PSTPIP2: variants seen among roughly 807,000 people sequenced by gnomAD.
The protein encoded by PSTPIP2 is proline-serine-threonine phosphatase interacting protein 2.
PSTPIP2 carries 33 observed loss-of-function variants against 63.3 expected under a neutral mutation model. The observed-to-expected ratio is 0.52, with a 90% CI of 0.40 to 0.70. PSTPIP2 has a LOEUF of 0.70. Among genes scored for constraint, PSTPIP2 ranks in the 30% least tolerant of loss-of-function variants. The pLI is 0.00. For synonymous variants in PSTPIP2, 125 were observed against 132.7 expected (o/e 0.94, Z 0.40); for missense variants, 312 against 400.7 (o/e 0.78, Z 1.89).
At chr18:46,037,038 A>G (rs1908006895) in intron 2 of PSTPIP2, among the ~76,000 whole-genome samples, 1 of 152,250 alleles carries the variant, frequency 6.6e-6, no homozygotes, top group Admixed American at 6.5e-5. Flanking sequence ...TTGTTCAAAA[A>G]TAATTATTAC....
intron 2 of PSTPIP2, among the ~76,000 whole-genome samples, chr18:46,034,457 C>T (rs1907894228): frequency 6.6e-6 from 1 of 152,236 alleles, no homozygotes; most frequent in Non-Finnish European, 1.5e-5. Context: ...TTACTACTTA[C>T]TCATATTGTA....
intron 4 of PSTPIP2, among the ~76,000 whole-genome samples, chr18:46,012,487 A>G (rs1283038374): frequency 1.3e-5 from 2 of 152,226 alleles, no homozygotes; most frequent in African/African-American, 4.8e-5. Flanking sequence ...CAATTAAAAA[A>G]GAGTTGGCCA....
intron 1 of PSTPIP2, 54 bp downstream of exon 1, chr18:46,072,102 C>T (rs551691407): frequency 1.3e-6 from 2 of 1,512,534 alleles, no homozygotes; most frequent in Non-Finnish European, 1.8e-6. Context: ...GCGTTGGCCT[C>T]CCGCCCGGGC....
chr18:46,033,070 TAC>T (rs1040591016), intron 2 of PSTPIP2, among the ~76,000 whole-genome samples: 22 of 152,342 alleles, frequency 1.4e-4, no homozygotes, highest in African/African-American at 4.3e-4. Flanking sequence ...GAACATCTCA[TAC>T]AATCCAAATT....
intron 1 of PSTPIP2, among the ~76,000 whole-genome samples, chr18:46,064,458 T>A (rs889124689): frequency 1.0e-4 from 2 of 20,026 alleles, no homozygotes; most frequent in Admixed American, 3.8e-4. Context: ...ACCTGGCTAA[T>A]TTTTTTTTTT....
intron 4 of PSTPIP2, among the ~76,000 whole-genome samples, chr18:46,014,617 C>G (rs899861972): frequency 3.3e-5 from 5 of 151,996 alleles, no homozygotes; most frequent in Admixed American, 2.6e-4. Flanking sequence ...GAAGGCTGAG[C>G]CTGGAGGATC....
intron 1 of PSTPIP2, among the ~76,000 whole-genome samples, chr18:46,059,696 C>T (rs554990470): frequency 6.6e-6 from 1 of 152,138 alleles, no homozygotes; most frequent in African/African-American, 2.4e-5. Context: ...CATATATTTT[C>T]CTAGTGACAT....
chr18:46,002,468 TTC>T lies in PSTPIP2; in HGVS notation c.418-2936_418-2935del, dbSNP rs1197348893. 3.9e-5 allele frequency among the ~76,000 whole-genome samples: 6 copies of T among 152,342 alleles called. No individual in the cohort carries two copies. The East Asian group carries it at 1.2e-3, about 29-fold the overall frequency. On this transcript the variant is annotated intron_variant, in intron 6 of 14. Transcript: ENST00000409746. ...TGTTCATGTCTGGTAATTTATATTA[TTC>T]TGTCTTCCAGTTAACCAATTCTTTC...
chr18:45,990,153 C>A (rs2051511208), intron 13 of PSTPIP2, among the ~76,000 whole-genome samples: 1 of 152,110 alleles, frequency 6.6e-6, no homozygotes, highest in African/African-American at 2.4e-5. Context: ...TCTCACAGTC[C>A]AAGTTGAAAT....
At chr18:46,010,118 G>C (rs2051779567) in intron 5 of PSTPIP2, among the ~76,000 whole-genome samples, 1 of 152,188 alleles carries the variant, frequency 6.6e-6, no homozygotes, top group South Asian at 2.1e-4. Context: ...AGGCTCTTAG[G>C]ATGCTGCTGC....
intron 1 of PSTPIP2, among the ~76,000 whole-genome samples, chr18:46,061,122 G>A (rs1027588157): frequency 1.3e-5 from 2 of 152,016 alleles, no homozygotes; most frequent in African/African-American, 4.8e-5. Flanking sequence ...TGGCCAACAT[G>A]GTGAAATCCC....
At position 45,995,490 on chromosome 18, in the gene PSTPIP2, C is replaced by T. The variant is rs191543374; in HGVS notation, c.643-1787G>A. On this transcript the variant is annotated intron_variant, in intron 9 of 14. Coordinates refer to ENST00000409746, the MANE Select transcript of PSTPIP2 (RefSeq NM_024430.4). The stretch of plus-strand genomic sequence containing the variant: ...TTTAAACCTTATTAAAAAATGGCCT[C>T]ATTCTAGGCTTTCCCCTAAGAGTGT... 8.7e-4 allele frequency among the ~76,000 whole-genome samples: 132 copies of T among 152,304 alleles called. 1 individual carries two copies. The highest frequency in any genetic ancestry group is 8.6e-3 in the Admixed American group (132 of 15,294).
At chr18:46,065,910 G>T (rs577103111) in intron 1 of PSTPIP2, among the ~76,000 whole-genome samples, 1 of 151,822 alleles carries the variant, frequency 6.6e-6, no homozygotes, top group Non-Finnish European at 1.5e-5. Context: ...CCAAAGTTAC[G>T]ATATTTTAAT....
intron 1 of PSTPIP2, among the ~76,000 whole-genome samples, chr18:46,040,537 T>A (rs998986066): frequency 6.6e-6 from 1 of 152,144 alleles, no homozygotes; most frequent in Non-Finnish European, 1.5e-5. Context: ...GGAAACCCCC[T>A]CATTCCTGCC....
chr18:45,985,107 T>A lies in PSTPIP2; in HGVS notation c.*352A>T, dbSNP rs1430717739. ...AAGCCAAAGGAGCCACTACTGCAGT[T>A]GGTGGCTCAGAATCCTCTGCTGCCA... On this transcript the variant is annotated 3_prime_UTR_variant, in exon 15 of 15. Coordinates refer to ENST00000409746, the MANE Select transcript of PSTPIP2 (RefSeq NM_024430.4). 2.0e-4 allele frequency: 62 copies of A among 303,036 alleles called. No homozygotes were observed. Among genetic ancestry groups the A allele is most frequent in the Non-Finnish European group, 2.4e-5 (4 of 166,794 alleles). The allele number at this position is 303,036 out of a possible 1,614,324, so 18.8% of individuals were successfully genotyped here. A position where few individuals can be genotyped will look rare whatever the true frequency, so the allele number is the denominator to read the frequency against.
At chr18:46,008,706 T>G (rs1193601021) in intron 5 of PSTPIP2, among the ~76,000 whole-genome samples, 1 of 152,130 alleles carries the variant, frequency 6.6e-6, no homozygotes, top group East Asian at 1.9e-4. Context: ...AACTCTCCCA[T>G]GACCATCCCA....
chr18:46,005,330 G>T (rs775488361), intron 6 of PSTPIP2, 139 bp downstream of exon 6: 9 of 691,972 alleles, frequency 1.3e-5, no homozygotes, highest in Non-Finnish European at 1.9e-5. Flanking sequence ...AAGCATTTAA[G>T]GTTGTTTTCC....
At chr18:45,995,240 A>G (rs2051581925) in intron 9 of PSTPIP2, among the ~76,000 whole-genome samples, 1 of 151,956 alleles carries the variant, frequency 6.6e-6, no homozygotes. Context: ...TCAGGTTCCC[A>G]AGTAGCCTCT....
chr18:46,008,172 G>T (rs1360695319), intron 5 of PSTPIP2, among the ~76,000 whole-genome samples: 4 of 152,116 alleles, frequency 2.6e-5, no homozygotes, highest in Non-Finnish European at 1.5e-5. Context: ...AACTATCTCT[G>T]CCATAGGGTG....
Sources: allele counts gnomAD v4.1 joint callset (sites outside exome capture counted in the v4.1 genomes callset), GRCh38; gene constraint gnomAD v4.1.1; transcripts MANE v1.5; gene names NCBI Gene and HGNC (gene_info 2026-07-23, HGNC 2026-07-21).